The following SEMA5A variants were observed in gnomAD, a reference collection of about 807,000 sequenced individuals.
The protein encoded by SEMA5A is semaphorin-5A.
A neutral mutation model predicts 135.5 loss-of-function variants in SEMA5A; 55 were observed. The ratio of observed to expected loss-of-function variants is 0.41; its 90% CI spans 0.33 to 0.51. SEMA5A has a LOEUF of 0.51. SEMA5A is among the 20% of genes least tolerant of loss of function. SEMA5A has a pLI of 0.37. For missense variants in SEMA5A, 1,290 were observed against 1,419.9 expected (o/e 0.91, Z 1.47); for synonymous variants, 580 against 546.5 (o/e 1.06, Z -0.85).
chr5:9,414,325 C>T (rs1289383473), intron 2 of SEMA5A, among the ~76,000 whole-genome samples: 1 of 152,206 alleles, frequency 6.6e-6, no homozygotes, highest in Non-Finnish European at 1.5e-5. Flanking sequence ...AAATTACTTT[C>T]ATCGAAGATG....
chr5:9,327,998 C>T (rs530306582), intron 4 of SEMA5A, among the ~76,000 whole-genome samples: 139 of 152,262 alleles, frequency 9.1e-4, no homozygotes, highest in Middle Eastern at 6.8e-3. Context: ...TCTCCATATA[C>T]AATTAATTTT....
chr5:9,176,640 C>A (rs1231720186), intron 11 of SEMA5A, among the ~76,000 whole-genome samples: 1 of 152,188 alleles, frequency 6.6e-6, no homozygotes. Context: ...AGCCCAGGGT[C>A]CCCTCTGAGG....
At chr5:9,509,065 A>C (rs1736062808) in intron 1 of SEMA5A, among the ~76,000 whole-genome samples, 1 of 152,026 alleles carries the variant, frequency 6.6e-6, no homozygotes. Context: ...CTGGCCAAGC[A>C]GAGGGTATGG....
intron 13 of SEMA5A, among the ~76,000 whole-genome samples, chr5:9,135,119 G>C (rs1741656362): frequency 6.6e-6 from 1 of 151,724 alleles, no homozygotes; most frequent in Admixed American, 6.6e-5. Context: ...AAATGACACT[G>C]GTTTGAATAG....
rs576191836 is a variant in SEMA5A, at chr5:9,325,624, T to C, written c.225-7207A>G. Among the ~76,000 whole-genome samples, 8 of 152,226 alleles carry C rather than the reference T, an allele frequency of 5.3e-5. No homozygotes were observed. In the South Asian group the frequency reaches 1.5e-3, roughly 28 times the overall value. The stretch of plus-strand genomic sequence containing the variant: ...TAGATGAAGTTCATTTGTATCTTCA[T>C]GTAAAGTAGTAAAATGCAGCCGGCA... On this transcript the variant is annotated intron_variant, in intron 4 of 22. Transcript: ENST00000382496.
chr5:9,522,237 C>T (rs1736873458), intron 1 of SEMA5A, among the ~76,000 whole-genome samples: 1 of 152,110 alleles, frequency 6.6e-6, no homozygotes, highest in South Asian at 2.1e-4. Flanking sequence ...AGTCAGCCTG[C>T]ACGTACGAGA....
At position 9,257,447 on chromosome 5, in the gene SEMA5A, C is replaced by CTT. The variant is rs34992396; in HGVS notation, c.271-19559_271-19558dup. 2.2e-3 allele frequency among the ~76,000 whole-genome samples: 323 copies of CTT among 150,120 alleles called. 3 individuals carry two copies. Among genetic ancestry groups the CTT allele is most frequent in the South Asian group, 8.2e-3 (39 of 4,748 alleles). ...ACATCTGTATACTACCCACATAGATCTTTTTTTTTTCCATTCTACATTAAA... is the reference window on the plus strand; with the variant it reads ...ACATCTGTATACTACCCACATAGATCTTTTTTTTTTTTCCATTCTACATTAAA... On this transcript the variant is annotated intron_variant, in intron 5 of 22. Transcript: ENST00000382496.
intron 16 of SEMA5A, among the ~76,000 whole-genome samples, chr5:9,078,299 C>T (rs1361585440): frequency 1.3e-5 from 2 of 152,172 alleles, no homozygotes; most frequent in Non-Finnish European, 1.5e-5. Context: ...TATTTCTAAT[C>T]TTCCATTTTT....
intron 18 of SEMA5A, 53 bp downstream of exon 18, chr5:9,062,834 T>G: frequency 1.3e-6 from 2 of 1,582,166 alleles, no homozygotes; most frequent in Non-Finnish European, 1.7e-6. Flanking sequence ...ATTAGAAGAC[T>G]CTCCAAGGCC....
intron 8 of SEMA5A, among the ~76,000 whole-genome samples, chr5:9,206,332 CATGTTA>C (rs1746013666): frequency 6.6e-6 from 1 of 152,038 alleles, no homozygotes; most frequent in African/African-American, 2.4e-5. Context: ...CAAAATATAT[CATGTTA>C]ATAAGAATTC....
intron 1 of SEMA5A, among the ~76,000 whole-genome samples, chr5:9,445,691 A>G (rs2126691157): frequency 6.6e-6 from 1 of 152,146 alleles, no homozygotes; most frequent in South Asian, 2.1e-4. Context: ...GTCAGATGTG[A>G]GATTCCCCTT....
At chr5:9,444,681 C>T (rs1758362972) in intron 1 of SEMA5A, among the ~76,000 whole-genome samples, 1 of 152,110 alleles carries the variant, frequency 6.6e-6, no homozygotes, top group Non-Finnish European at 1.5e-5. Context: ...CATATAATGA[C>T]TTATATTCCT....
At chr5:9,328,066 A>C (rs754111019) in intron 4 of SEMA5A, among the ~76,000 whole-genome samples, 1 of 152,158 alleles carries the variant, frequency 6.6e-6, no homozygotes, top group Non-Finnish European at 1.5e-5. Flanking sequence ...GTATCTTCTA[A>C]TAATCAAAGA....
At chr5:9,166,349 C>T (rs972146334) in intron 11 of SEMA5A, among the ~76,000 whole-genome samples, 7 of 152,074 alleles carry the variant, frequency 4.6e-5, no homozygotes, top group African/African-American at 7.2e-5. Context: ...AATCACAGGC[C>T]GTGTGACCGA....
At chr5:9,383,228 A>T (rs1303665440) in intron 2 of SEMA5A, among the ~76,000 whole-genome samples, 1 of 152,260 alleles carries the variant, frequency 6.6e-6, no homozygotes, top group South Asian at 2.1e-4. Context: ...AAGATGAAGT[A>T]GCCTATCTTT....
chr5:9,159,491 C>T (rs972620979), intron 11 of SEMA5A, among the ~76,000 whole-genome samples: 1 of 151,968 alleles, frequency 6.6e-6, no homozygotes, highest in Non-Finnish European at 1.5e-5. Flanking sequence ...AAGTGCAAAT[C>T]GAAACCAAAA....
intron 1 of SEMA5A, among the ~76,000 whole-genome samples, chr5:9,472,213 C>T (rs918416172): frequency 3.3e-5 from 5 of 152,196 alleles, no homozygotes; most frequent in African/African-American, 1.2e-4. Flanking sequence ...GGAAATATTT[C>T]CTCCACCTCT....
At chr5:9,293,323 C>T (rs1332328733) in intron 5 of SEMA5A, among the ~76,000 whole-genome samples, 3 of 152,180 alleles carry the variant, frequency 2.0e-5, no homozygotes, top group Non-Finnish European at 4.4e-5. Flanking sequence ...CAGGTAACTG[C>T]CTCCTTCTGA....
intron 11 of SEMA5A, among the ~76,000 whole-genome samples, chr5:9,186,505 A>G (rs981852956): frequency 1.3e-5 from 2 of 152,210 alleles, no homozygotes; most frequent in African/African-American, 4.8e-5. Context: ...AAGGATATCA[A>G]ACTGATTCTG....
Sources: gnomAD v4.1 joint callset for allele counts (sites outside exome capture counted in the v4.1 genomes callset) on GRCh38, gnomAD v4.1.1 for gene constraint, MANE v1.5 for transcripts, NCBI Gene and HGNC (gene_info 2026-07-23, HGNC 2026-07-21) for gene names.